Variants in SLC39A12 observed in about 807,000 individuals in gnomAD.
SLC39A12 encodes the protein solute carrier family 39 member 12.
In SLC39A12, 63 loss-of-function variants were observed where a neutral mutation model predicts 71.1. The ratio of observed to expected loss-of-function variants is 0.89; its 90% CI spans 0.72 to 1.09. The LOEUF (loss-of-function observed/expected upper bound fraction) is 1.09. Among genes scored for constraint, SLC39A12 ranks in the 50% least tolerant of loss-of-function variants. The pLI is 0.00. For missense variants in SLC39A12, 892 were observed against 812.6 expected (o/e 1.10, Z -1.19); for synonymous variants, 351 against 301.3 (o/e 1.16, Z -1.71).
intron 4 of SLC39A12, among the ~76,000 whole-genome samples, chr10:17,967,372 ATTAATTAT>A (rs1834852659): frequency 6.6e-6 from 1 of 152,178 alleles, no homozygotes. Flanking sequence ...GCCTAGATTG[ATTAATTAT>A]TTAGGGCTTA....
At position 18,019,283 on chromosome 10, in the gene SLC39A12, C is replaced by CT. The variant is rs201007248; in HGVS notation, c.1947+15933dup. ...GTATCAGTACTTTGTATCTTCTCTC[C>CT]TTTTTTTTGTTAGCCTAGCCAGAGT... On this transcript the variant is annotated intron_variant, in intron 12 of 12. Coordinates refer to ENST00000377369, the MANE Select transcript of SLC39A12 (RefSeq NM_001145195.2). Among the ~76,000 whole-genome samples, 1,482 of 151,712 alleles carry CT rather than the reference C, an allele frequency of 9.8e-3. 20 individuals carry two copies. Among genetic ancestry groups the CT allele is most frequent in the Middle Eastern group, 0.014 (4 of 294 alleles).
At chr10:17,967,308 C>G (rs1233949490) in intron 4 of SLC39A12, among the ~76,000 whole-genome samples, 11 of 152,186 alleles carry the variant, frequency 7.2e-5, no homozygotes, top group African/African-American at 2.7e-4. Flanking sequence ...CATTAGGAAG[C>G]ATGTAACACC....
chr10:17,994,812 C>A (rs191152260), intron 9 of SLC39A12, among the ~76,000 whole-genome samples: 7 of 152,246 alleles, frequency 4.6e-5, no homozygotes. Flanking sequence ...CTCTCTTTTA[C>A]ACACACACAA....
intron 10 of SLC39A12, among the ~76,000 whole-genome samples, chr10:17,996,517 C>T (rs1369805222): frequency 2.6e-5 from 4 of 152,182 alleles, no homozygotes; most frequent in African/African-American, 7.2e-5. Context: ...ATAGCTAACA[C>T]GTATTGAACA....
chr10:17,969,098 ATGT>A (rs1834904953), intron 4 of SLC39A12, among the ~76,000 whole-genome samples: 1 of 152,122 alleles, frequency 6.6e-6, no homozygotes, highest in Admixed American at 6.5e-5. Flanking sequence ...AGTTTCATCC[ATGT>A]TGTTGCAAAT....
chr10:18,036,149 G>T (rs1353262784), intron 12 of SLC39A12, among the ~76,000 whole-genome samples: 1 of 152,266 alleles, frequency 6.6e-6, no homozygotes, highest in Non-Finnish European at 1.5e-5. Context: ...TGGCAGGCAG[G>T]CCTCCTTGAG....
At chr10:17,980,335 A>C (rs191382421) in intron 5 of SLC39A12, among the ~76,000 whole-genome samples, 1 of 148,984 alleles carries the variant, frequency 6.7e-6, no homozygotes, top group South Asian at 2.1e-4. Context: ...AAGTGCCTTC[A>C]TTAAAAAAAA....
chr10:17,956,906 G>A lies in SLC39A12; in HGVS notation c.261+3369G>A, dbSNP rs541057387. Among the ~76,000 whole-genome samples, 32 of 152,140 alleles carry A rather than the reference G, an allele frequency of 2.1e-4. No individual in the cohort carries two copies. The South Asian group carries it at 5.8e-3, about 28-fold the overall frequency. ...CACTAAATCTAGTACAGACCCTAAA[G>A]AGCCAGTACCTGCCATCGGCAACAT... On this transcript the variant is annotated intron_variant, in intron 2 of 12. Coordinates refer to ENST00000377369, the MANE Select transcript of SLC39A12 (RefSeq NM_001145195.2).
intron 12 of SLC39A12, among the ~76,000 whole-genome samples, chr10:18,027,070 T>C (rs1218040938): frequency 6.6e-6 from 1 of 152,206 alleles, no homozygotes; most frequent in Non-Finnish European, 1.5e-5. Flanking sequence ...TAATATGTCT[T>C]GTAATTTGAA....
At chr10:17,968,439 GT>G (rs1465411136) in intron 4 of SLC39A12, among the ~76,000 whole-genome samples, 4 of 152,092 alleles carry the variant, frequency 2.6e-5, no homozygotes, top group Non-Finnish European at 4.4e-5. Context: ...ATTTCTTTAA[GT>G]GAGCTTAATC....
chr10:17,989,525 G>A (rs1188163944), intron 7 of SLC39A12, among the ~76,000 whole-genome samples: 1 of 152,206 alleles, frequency 6.6e-6, no homozygotes, highest in Non-Finnish European at 1.5e-5. Flanking sequence ...AGCCCACAGC[G>A]AAGGTGGACT....
chr10:17,993,330 C>T, intron 9 of SLC39A12, 39 bp downstream of exon 9: 1 of 1,284,076 alleles, frequency 7.8e-7, no homozygotes, highest in East Asian at 2.5e-5. Context: ...GATCTGATTA[C>T]CTTCTCTCCT....
intron 2 of SLC39A12, among the ~76,000 whole-genome samples, chr10:17,958,282 TCATGGCCC>T (rs1834600309): frequency 6.6e-6 from 1 of 152,160 alleles, no homozygotes; most frequent in East Asian, 1.9e-4. Context: ...TGCCCTGGTC[TCATGGCCC>T]CATGAGCGTC....
Position 17,986,497 on chromosome 10 carries a change from C to A in SLC39A12, c.1097-982C>A, listed in dbSNP as rs146226702. Among the ~76,000 whole-genome samples, 1,091 of 152,250 alleles carry A rather than the reference C, an allele frequency of 7.2e-3. 8 individuals are homozygous for A. Among genetic ancestry groups the A allele is most frequent in the African/African-American group, 0.025 (1,055 of 41,530 alleles). The stretch of plus-strand genomic sequence containing the variant: ...GTTCATGGACTGGTGAAGGGAAGAA[C>A]TCCAGTCCCTTTAGCCCCTGTAAAG... On this transcript the variant is annotated intron_variant, in intron 6 of 12. Transcript: ENST00000377369.
chr10:17,967,916 T>C (rs1225429732), intron 4 of SLC39A12, among the ~76,000 whole-genome samples: 1 of 147,202 alleles, frequency 6.8e-6, no homozygotes, highest in Admixed American at 6.8e-5. Flanking sequence ...TATATATATA[T>C]ATTTATTTAT....
intron 12 of SLC39A12, among the ~76,000 whole-genome samples, chr10:18,039,769 C>A (rs766848474): frequency 7.2e-5 from 11 of 152,116 alleles, no homozygotes; most frequent in Non-Finnish European, 1.5e-4. Context: ...CATGTATGTA[C>A]CTTGTTAATC....
At chr10:18,025,503 G>A (rs1411395524) in intron 12 of SLC39A12, among the ~76,000 whole-genome samples, 3 of 151,638 alleles carry the variant, frequency 2.0e-5, no homozygotes, top group Non-Finnish European at 4.4e-5. Context: ...TTGTCCTTGC[G>A]ATAGTTTGCT....
At chr10:18,038,329 T>C (rs967646291) in intron 12 of SLC39A12, among the ~76,000 whole-genome samples, 13 of 152,148 alleles carry the variant, frequency 8.5e-5, no homozygotes, top group South Asian at 2.1e-4. Flanking sequence ...AGCAGGTTTA[T>C]AAACTAAGGC....
At chr10:18,000,233 CACGCTAGGGGA>C (rs987465391) in intron 10 of SLC39A12, among the ~76,000 whole-genome samples, 1 of 152,132 alleles carries the variant, frequency 6.6e-6, no homozygotes, top group African/African-American at 2.4e-5. Flanking sequence ...CTCATACCAC[CACGCTAGGGGA>C]ATAAGTAGAA....
Sources: gnomAD v4.1 joint callset for allele counts (sites outside exome capture counted in the v4.1 genomes callset) on GRCh38, gnomAD v4.1.1 for gene constraint, MANE v1.5 for transcripts, NCBI Gene and HGNC (gene_info 2026-07-23, HGNC 2026-07-21) for gene names.